Variants in PRKAG1 observed in about 807,000 individuals in gnomAD.
PRKAG1 encodes 5'-AMP-activated protein kinase subunit gamma-1.
A neutral mutation model predicts 48.2 loss-of-function variants in PRKAG1; 27 were observed. That is an observed-to-expected ratio of 0.56 (90% CI 0.41 to 0.77). The LOEUF is 0.77. Ranked by LOEUF, PRKAG1 falls within the 30% of genes least tolerant of loss-of-function variation. The probability of loss-of-function intolerance (pLI) is 0.00; values close to 1 mark genes in which losing one functional copy is unlikely to be tolerated. For missense variants in PRKAG1, 287 were observed against 398.3 expected (o/e 0.72, Z 2.38); for synonymous variants, 130 against 147.7 (o/e 0.88, Z 0.87).
In PRKAG1 at chr12:49,005,278, T is replaced by C. The variant is rs1941491773; in HGVS notation, c.309+28A>G. ...GAGGGATTTAGGGCAGGGAAAGTGA[T>C]TTTGGTCATTGGGTTAAGGTTCCTT... On this transcript the variant is annotated intron_variant, in intron 5 of 11. Transcript: ENST00000548065. The surrounding 1 kb of genome is among the most constrained non-coding windows in gnomAD (Gnocchi z 4.1). 1.2e-6 allele frequency: 2 copies of C among 1,613,578 alleles called. No individual in the cohort carries two copies. Among genetic ancestry groups the C allele is most frequent in the Non-Finnish European group, 1.7e-6 (2 of 1,179,608 alleles).
chr12:49,010,848 C>CTT (rs34751625), intron 2 of PRKAG1, among the ~76,000 whole-genome samples: 1 of 142,874 alleles, frequency 7.0e-6, no homozygotes. Context: ...AATGTACCAC[C>CTT]TTTTTTTTTT....
chr12:49,007,836 G>A (rs1470829260), intron 2 of PRKAG1, among the ~76,000 whole-genome samples: 7 of 148,004 alleles, frequency 4.7e-5, no homozygotes, highest in South Asian at 2.2e-4. Flanking sequence ...AAACCATAAT[G>A]TTGGTTATAT....
chr12:49,003,993 T>C lies in PRKAG1; in HGVS notation c.538-71A>G, dbSNP rs988201584. 9 of 1,515,568 alleles carry C rather than the reference T, an allele frequency of 5.9e-6. No homozygotes were observed. The East Asian group carries it at 1.6e-4, about 27-fold the overall frequency. The allele number at this position is 1,515,568 out of a possible 1,614,324, so 93.9% of individuals were successfully genotyped here. A position where few individuals can be genotyped will look rare whatever the true frequency, so the allele number is the denominator to read the frequency against. ...CCCTTGGATACCCCCTCCAACCCAG[T>C]ATATTAGAAATAAGGGCTGGGTGCG... On this transcript the variant is annotated intron_variant, in intron 8 of 11. Transcript: ENST00000548065.
At chr12:49,015,729 C>T (rs961797765) in intron 1 of PRKAG1, among the ~76,000 whole-genome samples, 3 of 152,132 alleles carry the variant, frequency 2.0e-5, no homozygotes, top group South Asian at 2.1e-4. Context: ...CCTGCCACCA[C>T]GCCCAGCTAA....
At chr12:49,010,871 T>G (rs1941731908) in intron 2 of PRKAG1, among the ~76,000 whole-genome samples, 1 of 150,618 alleles carries the variant, frequency 6.6e-6, no homozygotes, top group Non-Finnish European at 1.5e-5. Flanking sequence ...TGAGACAGAG[T>G]CTTGCTCTGT....
chr12:49,018,708 CG>C, intron 1 of PRKAG1, 23 bp downstream of exon 1: 1 of 1,613,450 alleles, frequency 6.2e-7, no homozygotes, highest in Non-Finnish European at 8.5e-7. Context: ...ACAGCGCCCC[CG>C]ACCGCCCTCC....
chr12:49,012,901 G>T, intron 2 of PRKAG1, 161 bp downstream of exon 2: 1 of 657,164 alleles, frequency 1.5e-6, no homozygotes, highest in East Asian at 2.7e-5. Context: ...ATTTATTCCT[G>T]GGTGATCTTG....
rs751594448 is a variant in PRKAG1 at position 49,005,620 on chromosome 12, T to C, written c.169-77A>G. 84 of 1,613,222 alleles carry C rather than the reference T, an allele frequency of 5.2e-5. No individual in the cohort carries two copies. Among genetic ancestry groups the C allele is most frequent in the Admixed American group, 1.0e-4 (6 of 59,866 alleles). On this transcript the variant is annotated intron_variant, in intron 3 of 11. Coordinates refer to ENST00000548065, the MANE Select transcript of PRKAG1 (RefSeq NM_002733.5). The surrounding 1 kb of genome is among the most constrained non-coding windows in gnomAD (Gnocchi z 4.1). ...GTAAAAAAAGAACAGTGTTTGGGCA[T>C]GTTGGGTAAAACATGAGACTAACTT...
At position 49,005,714 on chromosome 12, in the gene PRKAG1, G is replaced by C; in HGVS notation, c.168+29C>G. Reference sequence around the variant, plus strand: ...GAGGTATTAAACCACAGGCTCCAAAGGGGGAAGGGAAAAGAGGATTTCACC... The same window carrying C: ...GAGGTATTAAACCACAGGCTCCAAACGGGGAAGGGAAAAGAGGATTTCACC... On this transcript the variant is annotated intron_variant, in intron 3 of 11. Coordinates refer to ENST00000548065, the MANE Select transcript of PRKAG1 (RefSeq NM_002733.5). This position sits in a 1 kb window ranked among gnomAD's most constrained non-coding sequence, Gnocchi z 4.1. 1 of 1,608,748 alleles carries C rather than the reference G, an allele frequency of 6.2e-7. No individual in the cohort carries two copies. Among genetic ancestry groups the C allele is most frequent in the African/African-American group, 1.3e-5 (1 of 74,878 alleles).
Position 49,007,518 on chromosome 12 carries a change from A to G in PRKAG1, c.59-1666T>C, listed in dbSNP as rs113201767. On this transcript the variant is annotated intron_variant, in intron 2 of 11. Transcript: ENST00000548065. ...TATTTTTTTAACCAAAGTTATATAG[A>G]CACACAGTTAAATCAGTCCAACAGT... Among the ~76,000 whole-genome samples the G allele has an allele frequency of 3.2e-3, 486 of 152,276 alleles. 4 individuals are homozygous for G. Among genetic ancestry groups the G allele is most frequent in the African/African-American group, 0.011 (448 of 41,550 alleles).
rs547098112 is a variant in PRKAG1 at position 49,016,380 on chromosome 12, T to C, written c.9+2352A>G. Among the ~76,000 whole-genome samples the C allele has an allele frequency of 2.0e-5, 3 of 152,376 alleles. No individual in the cohort carries two copies. In the East Asian group the frequency reaches 5.8e-4, roughly 29 times the overall value. The stretch of plus-strand genomic sequence containing the variant: ...ACTTCTGATCTACATTTCCAATTAT[T>C]TGTTTGACAACCATAGATGTCACAG... On this transcript the variant is annotated intron_variant, in intron 1 of 11. Transcript: ENST00000548065.
chr12:49,018,424 G>C, intron 1 of PRKAG1: 1 of 1,294,292 alleles, frequency 7.7e-7, no homozygotes, highest in Non-Finnish European at 9.9e-7. Context: ...AAGGGCTTGA[G>C]GTGCCAATAG....
intron 7 of PRKAG1, 133 bp downstream of exon 7, chr12:49,004,831 G>A (rs939287361): frequency 3.2e-6 from 3 of 937,838 alleles, no homozygotes; most frequent in Non-Finnish European, 5.1e-6. Flanking sequence ...GTGTGTGTGT[G>A]TGTGTGTGTG....
At position 49,002,711 on chromosome 12, in the gene PRKAG1, G is replaced by C. The variant is rs985192074; in HGVS notation, c.*188C>G. 2.8e-6 allele frequency: 2 copies of C among 704,814 alleles called. No homozygotes were observed. The highest frequency in any genetic ancestry group is 2.7e-5 in the East Asian group (1 of 36,844). The allele number at this position is 704,814 out of a possible 1,614,324, so 43.7% of individuals were successfully genotyped here. A position where few individuals can be genotyped will look rare whatever the true frequency, so the allele number is the denominator to read the frequency against. ...AGTTTTTTCAAGTGTATGTGTGAGG[G>C]TAAGGGTAGCTATAAATCCATTCTC... On this transcript the variant is annotated 3_prime_UTR_variant, in exon 12 of 12. Transcript: ENST00000548065.
rs1384539150 is a variant in PRKAG1, at chr12:49,005,801, C to T, written c.110G>A (p.Arg37His). The change falls in exon 3 of 12, where the codon CGC becomes CAC. Residue 37 changes from arginine to histidine, a missense_variant. By Grantham distance (29) the Arg-to-His change is conservative. Coordinates refer to ENST00000548065, the MANE Select transcript of PRKAG1 (RefSeq NM_002733.5). The surrounding 1 kb of genome is among the most constrained non-coding windows in gnomAD (Gnocchi z 4.1). Reference sequence around the variant, plus strand: ...GCTTGTGGGAATCAGGTCATAGCAGCGATGAGACTTCATGAAGGAAGTATA... The same window carrying T: ...GCTTGTGGGAATCAGGTCATAGCAGTGATGAGACTTCATGAAGGAAGTATA... Reference protein sequence around the residue: ...SVYTSFMKSHRCYDLIPTSSK... With the variant: ...SVYTSFMKSHHCYDLIPTSSK... 7 of 1,613,776 alleles carry T rather than the reference C, an allele frequency of 4.3e-6. No individual in the cohort carries two copies. Among genetic ancestry groups the T allele is most frequent in the East Asian group, 4.5e-5 (2 of 44,878 alleles).
chr12:49,008,516 G>C (rs1138908), intron 2 of PRKAG1: 64,598 of 151,866 alleles, frequency 0.43, 14,237 homozygotes, highest in African/African-American at 0.54. Flanking sequence ...TTTCACGTCT[G>C]TCCTCTACTG....
intron 1 of PRKAG1, 130 bp downstream of exon 1, chr12:49,018,602 G>A: frequency 6.4e-7 from 1 of 1,570,708 alleles, no homozygotes; most frequent in Admixed American, 1.9e-5. Context: ...ACGGGATAGG[G>A]CAGACACCCG....
chr12:49,003,517 C>A (rs201938553), intron 10 of PRKAG1, 41 bp downstream of exon 10: 3 of 1,602,684 alleles, frequency 1.9e-6, no homozygotes, highest in African/African-American at 1.3e-5. Context: ...TGCCCCCCCC[C>A]CACCACTTCC....
chr12:49,017,189 CAGG>C (rs1377463487), intron 1 of PRKAG1: 2 of 455,976 alleles, frequency 4.4e-6, no homozygotes, highest in Admixed American at 2.3e-5. Flanking sequence ...ATTTTCAAAG[CAGG>C]AGTTTTCTTT....
Sources: gnomAD v4.1 joint callset for allele counts (sites outside exome capture counted in the v4.1 genomes callset) on GRCh38, gnomAD v4.1.1 for gene constraint, Gnocchi (gnomAD v3.1) non-coding constraint, MANE v1.5 for transcripts, NCBI Gene and HGNC (gene_info 2026-07-23, HGNC 2026-07-21) for gene names.